The following HIPK1 variants were observed in gnomAD, a reference collection of about 807,000 sequenced individuals.
HIPK1 encodes the protein homeodomain-interacting protein kinase 1.
In HIPK1, 28 loss-of-function variants were observed where a neutral mutation model predicts 117.1. The ratio of observed to expected loss-of-function variants is 0.24; its 90% CI spans 0.18 to 0.33. The LOEUF (loss-of-function observed/expected upper bound fraction) is 0.33, where lower values mean the gene tolerates loss of function less well. Ranked by LOEUF, HIPK1 falls within the 10% of genes least tolerant of loss-of-function variation. The probability of loss-of-function intolerance (pLI) is 1.00; values close to 1 mark genes in which losing one functional copy is unlikely to be tolerated. For synonymous variants in HIPK1, 605 were observed against 562.5 expected, an observed-to-expected ratio of 1.08 and a Z score of -1.07; for missense variants, 1,122 against 1,475.1, an observed-to-expected ratio of 0.76 and a Z score of 3.92.
At chr1:113,938,937 CA>C (rs1670449290) in intron 1 of HIPK1, among the ~76,000 whole-genome samples, 1 of 75,214 alleles carries the variant, frequency 1.3e-5, no homozygotes, top group Non-Finnish European at 2.8e-5. Context: ...AATACACACA[CA>C]CACACACACA....
chr1:113,962,352 C>G lies in HIPK1; in HGVS notation c.2017C>G (p.Pro673Ala). ...AGCAACAACAAAGCATTCTGGATTC[C>G]CTGTGAGGATGGATAATGCTGTACC... ...LQATTKHSGF[P>A]VRMDNAVPIV... is the part of the protein sequence containing the mutation. Residue 673 changes from proline (P) to alanine (A), a missense_variant, in exon 9 of 16, where the codon CCT becomes GCT. Physicochemically the swap from Pro to Ala is conservative, Grantham distance 27. This residue lies in a region of HIPK1 where 731 missense variants were observed against 860.4 expected (regional missense o/e 0.85). Coordinates refer to ENST00000426820, the MANE Select transcript of HIPK1 (RefSeq NM_198268.3). The G allele has an allele frequency of 3.1e-6, 5 of 1,613,736 alleles. No individual in the cohort carries two copies. Among genetic ancestry groups the G allele is most frequent in the Non-Finnish European group, 4.2e-6 (5 of 1,179,764 alleles).
chr1:113,955,354 T>G (rs1400862272), intron 4 of HIPK1, among the ~76,000 whole-genome samples: 1 of 152,242 alleles, frequency 6.6e-6, no homozygotes, highest in Non-Finnish European at 1.5e-5. Context: ...GTATCATTAC[T>G]TGCATGTTTA....
chr1:113,945,139 A>G (rs1487719641), intron 2 of HIPK1, among the ~76,000 whole-genome samples: 1 of 152,190 alleles, frequency 6.6e-6, no homozygotes, highest in Admixed American at 6.5e-5. Context: ...ATGAGCCACC[A>G]TGCCCAGCCT....
At position 113,941,063 on chromosome 1, in the gene HIPK1, A is replaced by T; in HGVS notation, c.680A>T (p.Tyr227Phe). 6.2e-7 allele frequency: 1 copy of T among 1,614,222 alleles called. No homozygotes were observed. The change falls in exon 2 of 16, where the codon TAT (tyrosine) becomes TTT (phenylalanine). Residue 227 changes from tyrosine (Y) to phenylalanine (F), a missense_variant. By Grantham distance (22) the Tyr-to-Phe change is conservative. Around this residue, in one of 6 missense-constraint regions of HIPK1, gnomAD observed 62 missense variants for 121.5 expected, o/e 0.51. Transcript: ENST00000426820. The surrounding 1 kb of genome is among the most constrained non-coding windows in gnomAD (Gnocchi z 4.9). The part of the protein sequence containing the change: ...AIKILKNHPS[Y>F]ARQGQIEVSI... ...AAAATCTTGAAGAACCACCCCTCCT[A>T]TGCCAGACAAGGACAGATTGAAGTG...
chr1:113,929,758 G>A, intron 1 of HIPK1: 2 of 873,440 alleles, frequency 2.3e-6, no homozygotes, highest in Non-Finnish European at 2.8e-6. Flanking sequence ...GGAGCGGGAG[G>A]GAGGCTGAGG....
intron 2 of HIPK1, among the ~76,000 whole-genome samples, chr1:113,947,582 CAG>C (rs1465761758): frequency 6.6e-6 from 1 of 152,154 alleles, no homozygotes; most frequent in Non-Finnish European, 1.5e-5. Flanking sequence ...TGAAAATAAT[CAG>C]AGTGATTTGT....
At chr1:113,951,053 GA>G (rs1437607133) in intron 2 of HIPK1, 4 of 182,806 alleles carry the variant, frequency 2.2e-5, no homozygotes, top group African/African-American at 9.5e-5. Context: ...GTGTATCTTA[GA>G]ATTGATGACA....
chr1:113,940,506 A>G lies in HIPK1; in HGVS notation c.123A>G (p.Lys41=). 4.3e-6 allele frequency: 7 copies of G among 1,614,158 alleles called. No individual in the cohort carries two copies. Among genetic ancestry groups the G allele is most frequent in the Non-Finnish European group, 5.9e-6 (7 of 1,180,036 alleles). ...TTTCAGGACAGAGTAGCAACGACAA[A>G]TATTATACCCACAGCAAAACCCTCC... ...WDVSGQSSND[K]YYTHSKTLPA... Residue 41 remains lysine (K), a synonymous_variant, in exon 2 of 16, where the codon AAA becomes AAG. Transcript: ENST00000426820.
intron 1 of HIPK1, among the ~76,000 whole-genome samples, chr1:113,931,515 G>A (rs1012574909): frequency 2.6e-5 from 4 of 152,200 alleles, no homozygotes; most frequent in East Asian, 1.9e-4. Context: ...TGGTTGGCAA[G>A]TAGAACTTTT....
intron 10 of HIPK1, among the ~76,000 whole-genome samples, chr1:113,963,791 T>A (rs990381841): frequency 3.3e-5 from 5 of 152,190 alleles, no homozygotes; most frequent in African/African-American, 1.2e-4. Context: ...CCAGATCCCT[T>A]GATTCTTCTT....
At chr1:113,961,702 T>C (rs952585392) in intron 8 of HIPK1, among the ~76,000 whole-genome samples, 1 of 152,014 alleles carries the variant, frequency 6.6e-6, no homozygotes, top group Non-Finnish European at 1.5e-5. Context: ...TCCCGGCACT[T>C]TGGGAGGCCA....
intron 2 of HIPK1, chr1:113,951,032 T>C (rs1671329383): frequency 6.0e-6 from 1 of 166,482 alleles, no homozygotes; most frequent in Non-Finnish European, 1.2e-5. Context: ...GGTGCTAACA[T>C]GTAAAAAGAT....
Position 113,962,579 on chromosome 1 carries a change from A to G in HIPK1, c.2103+141A>G, listed in dbSNP as rs977589269. 1.0e-4 allele frequency: 74 copies of G among 726,982 alleles called. No homozygotes were observed. The East Asian group carries it at 1.1e-3, about 11-fold the overall frequency. The allele number at this position is 726,982 out of a possible 1,614,324, so 45.0% of individuals were successfully genotyped here. ...AGTGGACTTAAAATGAAACATCTCT[A>G]TGGAACAATATACTAATTCCTAACA... On this transcript the variant is annotated intron_variant, in intron 9 of 15. Coordinates refer to ENST00000426820, the MANE Select transcript of HIPK1 (RefSeq NM_198268.3).
intron 9 of HIPK1, 50 bp from the exon 10 acceptor site, chr1:113,963,337 A>G (rs1328112189): frequency 1.9e-6 from 3 of 1,601,656 alleles, no homozygotes; most frequent in Non-Finnish European, 2.6e-6. Context: ...CTGAATCCAG[A>G]TATCCTGCCT....
intron 13 of HIPK1, among the ~76,000 whole-genome samples, chr1:113,969,682 G>A (rs575543538): frequency 5.9e-5 from 9 of 152,214 alleles, no homozygotes; most frequent in African/African-American, 2.2e-4. Flanking sequence ...GGCCAAAGCA[G>A]GAAGATCACT....
At chr1:113,931,320 A>G (rs995042600) in intron 1 of HIPK1, among the ~76,000 whole-genome samples, 1 of 152,168 alleles carries the variant, frequency 6.6e-6, no homozygotes, top group Non-Finnish European at 1.5e-5. Context: ...GGATCTTTAC[A>G]TGTAATTATC....
chr1:113,940,339 T>A (rs1272027951), intron 1 of HIPK1, 43 bp from the exon 2 acceptor site: 1 of 1,487,682 alleles, frequency 6.7e-7, no homozygotes, highest in African/African-American at 1.4e-5. Context: ...AAGCCTTGTA[T>A]CTTTTATCCT....
rs779142571 is a variant in HIPK1 at position 113,962,454 on chromosome 1, A to G, written c.2103+16A>G. The G allele has an allele frequency of 6.2e-6, 10 of 1,611,852 alleles. No individual in the cohort carries two copies. The highest frequency in any genetic ancestry group is 5.5e-5 in the South Asian group (5 of 90,872). The stretch of plus-strand genomic sequence containing the variant: ...TCTCACGCAGGTAAAAGCTAGAGCA[A>G]TGTGGATACTCAGTATTGCTAAACA... On this transcript the variant is annotated intron_variant, in intron 9 of 15. Coordinates refer to ENST00000426820, the MANE Select transcript of HIPK1 (RefSeq NM_198268.3).
chr1:113,958,784 CATT>C (rs906806656), intron 8 of HIPK1, among the ~76,000 whole-genome samples: 3 of 152,052 alleles, frequency 2.0e-5, no homozygotes, highest in African/African-American at 7.2e-5. Context: ...AAAGAAAAAT[CATT>C]ATTTATTGAA....
Sources: gnomAD v4.1 joint callset for allele counts (sites outside exome capture counted in the v4.1 genomes callset) on GRCh38, gnomAD v4.1.1 for gene constraint, gnomAD v4.1.1 regional missense constraint, Gnocchi (gnomAD v3.1) non-coding constraint, MANE v1.5 for transcripts, NCBI Gene and HGNC (gene_info 2026-07-23, HGNC 2026-07-21) for gene names.